MRPS35: variants seen among roughly 807,000 people sequenced by gnomAD.
MRPS35 encodes the protein small ribosomal subunit protein mS35.
In MRPS35, 29 loss-of-function variants were observed where a neutral mutation model predicts 32.7. That is an observed-to-expected ratio of 0.89 (90% CI 0.66 to 1.21). The LOEUF (loss-of-function observed/expected upper bound fraction) is 1.21, where lower values mean the gene tolerates loss of function less well. MRPS35 is among the 50% of genes most tolerant of loss of function. The pLI is 0.00. For missense variants in MRPS35, 373 were observed against 383.8 expected, an observed-to-expected ratio of 0.97 and a Z score of 0.23; for synonymous variants, 148 against 139.3, an observed-to-expected ratio of 1.06 and a Z score of -0.44.
chr12:27,724,468 C>T (rs538609539), intron 5 of MRPS35, among the ~76,000 whole-genome samples: 50 of 152,292 alleles, frequency 3.3e-4, no homozygotes, highest in Admixed American at 1.0e-3. Context: ...ATACACCAGG[C>T]ATGGTGGCTC....
intron 7 of MRPS35, among the ~76,000 whole-genome samples, chr12:27,741,111 T>C (rs944941049): frequency 3.3e-5 from 5 of 151,956 alleles, no homozygotes; most frequent in African/African-American, 1.2e-4. Context: ...GAGGTTGCAG[T>C]GAGCCAAGAT....
chr12:27,713,409 G>C (rs1419754507), intron 1 of MRPS35, among the ~76,000 whole-genome samples: 3 of 152,170 alleles, frequency 2.0e-5, no homozygotes, highest in African/African-American at 7.2e-5. Context: ...GCCCATGTCA[G>C]TCCAAGTTCA....
Position 27,755,415 on chromosome 12 carries a change from A to G in MRPS35, c.937A>G (p.Lys313Glu). The change falls in exon 8 of 8, where the codon AAA (lysine) becomes GAA (glutamate). Residue 313 changes from lysine to glutamate, a missense_variant. Coordinates refer to ENST00000081029, the MANE Select transcript of MRPS35 (RefSeq NM_021821.4). ...AAATGAAAATTCCATTTCTCAGTAC[A>G]AAGAATCCGTGAAGAGACTATTAAA... ...EENENSISQY[K>E]ESVKRLLNVT The G allele has an allele frequency of 6.3e-7, 1 of 1,588,378 alleles. No individual in the cohort carries two copies. The highest frequency in any genetic ancestry group is 1.9e-5 in the Admixed American group (1 of 52,742).
chr12:27,718,023 G>A (rs1426629649), intron 3 of MRPS35, among the ~76,000 whole-genome samples: 1 of 151,946 alleles, frequency 6.6e-6, no homozygotes, highest in Admixed American at 6.6e-5. Flanking sequence ...TCAACACTAG[G>A]GTTTATAATT....
intron 3 of MRPS35, among the ~76,000 whole-genome samples, chr12:27,717,874 G>A (rs11049108): frequency 0.14 from 21,074 of 152,168 alleles, 1,557 homozygotes; most frequent in East Asian, 0.18. Flanking sequence ...CTGAGCTAAT[G>A]TATGCAAAGT....
intron 4 of MRPS35, among the ~76,000 whole-genome samples, chr12:27,723,373 G>A (rs2061884938): frequency 6.6e-6 from 1 of 152,056 alleles, no homozygotes; most frequent in African/African-American, 2.4e-5. Context: ...TGTGGCCTAG[G>A]TCTCAGACCC....
intron 2 of MRPS35, among the ~76,000 whole-genome samples, chr12:27,715,105 T>G (rs947449549): frequency 1.3e-5 from 2 of 152,232 alleles, no homozygotes; most frequent in Non-Finnish European, 2.9e-5. Context: ...AGCCTGGGAC[T>G]TATGCATTAA....
chr12:27,723,601 T>G lies in MRPS35; in HGVS notation c.383-446T>G, dbSNP rs372565106. Among the ~76,000 whole-genome samples the G allele has an allele frequency of 4.6e-5, 7 of 151,184 alleles. No homozygotes were observed. The East Asian group carries it at 7.7e-4, about 17-fold the overall frequency. On this transcript the variant is annotated intron_variant, in intron 4 of 7. Coordinates refer to ENST00000081029, the MANE Select transcript of MRPS35 (RefSeq NM_021821.4). ...CTCCATCTCAGTTTCTTCTTAGGGC[T>G]TTTTGAGAGCTTTCAATTCCTTTCA...
In MRPS35 at chr12:27,755,613, T is replaced by C; in HGVS notation, c.*163T>C. 1.8e-6 allele frequency: 1 copy of C among 557,604 alleles called. No homozygotes were observed. The highest frequency in any genetic ancestry group is 2.8e-6 in the Non-Finnish European group (1 of 355,124). The allele number at this position is 557,604 out of a possible 1,614,324, so 34.5% of individuals were successfully genotyped here. ...TTAATGGCAATGATTACTCCAGAGTTTTTTAATTTTTACACTGGGGCAATA... is the reference window on the plus strand; with the variant it reads ...TTAATGGCAATGATTACTCCAGAGTCTTTTAATTTTTACACTGGGGCAATA... On this transcript the variant is annotated 3_prime_UTR_variant, in exon 8 of 8. Transcript: ENST00000081029.
At chr12:27,712,507 G>A (rs1216968102) in intron 1 of MRPS35, among the ~76,000 whole-genome samples, 1 of 152,234 alleles carries the variant, frequency 6.6e-6, no homozygotes, top group Non-Finnish European at 1.5e-5. Context: ...TCCAAATGAG[G>A]TGATGGTGAC....
At chr12:27,718,841 C>T (rs1039365112) in intron 3 of MRPS35, among the ~76,000 whole-genome samples, 7 of 152,218 alleles carry the variant, frequency 4.6e-5, no homozygotes, top group Non-Finnish European at 1.0e-4. Flanking sequence ...AATCCCAGCA[C>T]TTTGGGATAC....
At chr12:27,721,389 G>A (rs1257499737) in intron 4 of MRPS35, among the ~76,000 whole-genome samples, 3 of 152,198 alleles carry the variant, frequency 2.0e-5, no homozygotes, top group African/African-American at 7.2e-5. Flanking sequence ...TGGGCATGGT[G>A]CCTCACACCT....
chr12:27,711,693 T>C (rs180896017), intron 1 of MRPS35, among the ~76,000 whole-genome samples: 1 of 151,894 alleles, frequency 6.6e-6, no homozygotes, highest in Non-Finnish European at 1.5e-5. Flanking sequence ...TTCCGTTTCC[T>C]GTTTCCCCTC....
chr12:27,712,137 A>C (rs1410759011), intron 1 of MRPS35, among the ~76,000 whole-genome samples: 1 of 152,108 alleles, frequency 6.6e-6, no homozygotes. Flanking sequence ...ACAGGGCCCC[A>C]AGCCATGCAG....
At chr12:27,751,826 A>G (rs1346186070) in intron 7 of MRPS35, among the ~76,000 whole-genome samples, 1 of 152,214 alleles carries the variant, frequency 6.6e-6, no homozygotes, top group East Asian at 1.9e-4. Context: ...TACTTACACA[A>G]ACAGGTTATA....
chr12:27,712,658 G>C (rs2061832924), intron 1 of MRPS35, among the ~76,000 whole-genome samples: 1 of 152,224 alleles, frequency 6.6e-6, no homozygotes, highest in African/African-American at 2.4e-5. Flanking sequence ...TTTTTGTTCT[G>C]AGCAATTGGA....
intron 5 of MRPS35, among the ~76,000 whole-genome samples, chr12:27,734,015 G>T (rs968052725): frequency 1.3e-5 from 2 of 152,130 alleles, no homozygotes; most frequent in Admixed American, 6.5e-5. Context: ...TTTCAAATCA[G>T]TGGGGAAAAA....
intron 4 of MRPS35, among the ~76,000 whole-genome samples, chr12:27,723,813 A>G (rs1032358693): frequency 1.2e-4 from 18 of 152,192 alleles, no homozygotes; most frequent in Admixed American, 9.8e-4. Context: ...TGAAAATACC[A>G]TTACCACCAA....
At chr12:27,755,104 A>G (rs1591805482) in intron 7 of MRPS35, 77 bp from the exon 8 acceptor site, 1 of 1,426,982 alleles carries the variant, frequency 7.0e-7, no homozygotes, top group African/African-American at 1.4e-5. Context: ...AAAAGAAGAA[A>G]GAAAGGAAGA....
Sources: gnomAD v4.1 joint callset for allele counts (sites outside exome capture counted in the v4.1 genomes callset) on GRCh38, gnomAD v4.1.1 for gene constraint, MANE v1.5 for transcripts, NCBI Gene and HGNC (gene_info 2026-07-23, HGNC 2026-07-21) for gene names.